The following CFAP70 variants were observed in gnomAD, a reference collection of about 807,000 sequenced individuals.
The protein encoded by CFAP70 is cilia- and flagella-associated protein 70.
In CFAP70, 81 loss-of-function variants were observed where a neutral mutation model predicts 137.6. The observed-to-expected ratio is 0.59, with a 90% CI of 0.49 to 0.71. The LOEUF (loss-of-function observed/expected upper bound fraction) is 0.71, where lower values mean the gene tolerates loss of function less well. Among genes scored for constraint, CFAP70 ranks in the 30% least tolerant of loss-of-function variants. CFAP70 has a pLI of 0.00. For missense variants in CFAP70, 976 were observed against 1,226.7 expected, an observed-to-expected ratio of 0.80 and a Z score of 3.05; for synonymous variants, 382 against 423.6, an observed-to-expected ratio of 0.90 and a Z score of 1.20.
At chr10:73,312,437 C>T (rs770813942) in intron 10 of CFAP70, 36 bp downstream of exon 11, 6 of 1,490,982 alleles carry the variant, frequency 4.0e-6, no homozygotes, top group Non-Finnish European at 4.5e-6. Context: ...GGAATGTAAT[C>T]TAAGAGGCAA....
intron 10 of CFAP70, 95 bp from the exon 12 acceptor site, chr10:73,312,009 T>A (rs931284209): frequency 6.7e-6 from 6 of 899,676 alleles, no homozygotes; most frequent in Admixed American, 4.2e-5. Flanking sequence ...AAATGCAAAC[T>A]AACTGCAGCC....
chr10:73,270,750 G>A (rs2046239325), intron 24 of CFAP70, among the ~76,000 whole-genome samples: 1 of 151,234 alleles, frequency 6.6e-6, no homozygotes, highest in Non-Finnish European at 1.5e-5. Context: ...TGGCCAGACT[G>A]GTCTCAAACT....
At chr10:73,297,902 G>A (rs1415626550) in intron 14 of CFAP70, among the ~76,000 whole-genome samples, 2 of 152,264 alleles carry the variant, frequency 1.3e-5, no homozygotes, top group East Asian at 3.9e-4. Context: ...ACGTTTCAAG[G>A]TCACCCAACT....
At chr10:73,315,414 G>T (rs867592298) in intron 9 of CFAP70, among the ~76,000 whole-genome samples, 2 of 152,018 alleles carry the variant, frequency 1.3e-5, no homozygotes, top group Non-Finnish European at 2.9e-5. Context: ...TTGTATTATT[G>T]TGAGCTTTTA....
At chr10:73,305,493 G>A (rs1256449272) in intron 12 of CFAP70, among the ~76,000 whole-genome samples, 1 of 152,182 alleles carries the variant, frequency 6.6e-6, no homozygotes, top group Non-Finnish European at 1.5e-5. Context: ...TACAGGTTCA[G>A]TATAAGCAGG....
At chr10:73,307,564 T>C (rs1421694473) in intron 12 of CFAP70, among the ~76,000 whole-genome samples, 1 of 152,194 alleles carries the variant, frequency 6.6e-6, no homozygotes, top group Non-Finnish European at 1.5e-5. Context: ...GAGATGGCTA[T>C]ATTACTGTCA....
chr10:73,265,320 CAA>C (rs796977521), intron 25 of CFAP70, among the ~76,000 whole-genome samples: 19 of 85,870 alleles, frequency 2.2e-4, no homozygotes, highest in Admixed American at 5.4e-4. Flanking sequence ...GACTCCATCT[CAA>C]AAAAAAAAAA....
At chr10:73,322,067 A>T (rs1332331015) in intron 9 of CFAP70, among the ~76,000 whole-genome samples, 3 of 152,238 alleles carry the variant, frequency 2.0e-5, no homozygotes, top group African/African-American at 7.2e-5. Flanking sequence ...TACAGGTGTG[A>T]GCCACCACAC....
intron 19 of CFAP70, among the ~76,000 whole-genome samples, chr10:73,290,730 G>A (rs2048114673): frequency 6.6e-6 from 1 of 151,898 alleles, no homozygotes; most frequent in Non-Finnish European, 1.5e-5. Flanking sequence ...CATAAGAGAG[G>A]GACTCTATGT....
chr10:73,336,582 T>C (rs1448267875), intron 6 of CFAP70, among the ~76,000 whole-genome samples: 3 of 115,078 alleles, frequency 2.6e-5, no homozygotes, highest in African/African-American at 1.1e-4. Context: ...CTATTTTCCT[T>C]TTTTTTTTTT....
chr10:73,258,321 T>G (rs1038928318), intron 25 of CFAP70, among the ~76,000 whole-genome samples: 6 of 152,256 alleles, frequency 3.9e-5, no homozygotes, highest in African/African-American at 1.4e-4. Flanking sequence ...TTCTTATGCC[T>G]GTCTTTACTG....
At chr10:73,258,808 G>C (rs777227501) in intron 25 of CFAP70, among the ~76,000 whole-genome samples, 1 of 152,168 alleles carries the variant, frequency 6.6e-6, no homozygotes, top group Non-Finnish European at 1.5e-5. Flanking sequence ...AAAAGCCCCG[G>C]TTTCCTGTAG....
In CFAP70 at chr10:73,317,044, G is replaced by A. The variant is rs184654417; in HGVS notation, c.913-4401C>T. On this transcript the variant is annotated intron_variant, in intron 9 of 26. Coordinates refer to ENST00000310715, the Ensembl canonical transcript of CFAP70. ...CTTTGTTGTTTTTGTTTCTTTTATT[G>A]AGAGAGAGTCTCACTCTGTCATCTA... Among the ~76,000 whole-genome samples, 12 of 152,120 alleles carry A rather than the reference G, an allele frequency of 7.9e-5. No individual in the cohort carries two copies. In the East Asian group the frequency reaches 2.3e-3, roughly 29 times the overall value.
At chr10:73,334,063 C>A (rs1006556559) in intron 7 of CFAP70, among the ~76,000 whole-genome samples, 11 of 152,100 alleles carry the variant, frequency 7.2e-5, no homozygotes, top group African/African-American at 2.7e-4. Context: ...AAATCTAAAG[C>A]TGTCCTAAAA....
At chr10:73,333,856 AATGTT>A (rs1274763719) in intron 7 of CFAP70, among the ~76,000 whole-genome samples, 2 of 150,982 alleles carry the variant, frequency 1.3e-5, no homozygotes, top group African/African-American at 5.0e-5. Context: ...TAAATTTGTT[AATGTT>A]TTTTATTCTT....
chr10:73,351,411 C>T (rs1044503089), intron 3 of CFAP70, among the ~76,000 whole-genome samples: 9 of 151,616 alleles, frequency 5.9e-5, no homozygotes, highest in Non-Finnish European at 1.3e-4. Context: ...AGCCACTGCA[C>T]CCAGTCATTG....
intron 9 of CFAP70, among the ~76,000 whole-genome samples, chr10:73,322,488 G>T (rs775140066): frequency 2.0e-5 from 3 of 151,152 alleles, no homozygotes; most frequent in Non-Finnish European, 4.4e-5. Context: ...GAGGCAGGAG[G>T]ATCCCTTGAG....
intron 23 of CFAP70, 23 bp from the exon 25 acceptor site, chr10:73,273,040 A>G: frequency 1.3e-6 from 2 of 1,526,820 alleles, no homozygotes; most frequent in African/African-American, 1.4e-5. Context: ...AGCACCACTA[A>G]GCTACTGTTC....
At position 73,273,104 on chromosome 10, in the gene CFAP70, C is replaced by T. The variant is rs1021081070; in HGVS notation, c.2836-87G>A. ...ATGATCATGGGATCTCTGATAATTG[C>T]TCTCCAGAACAATCTAAGTTAAGCA... On this transcript the variant is annotated intron_variant, in intron 23 of 26. Transcript: ENST00000310715. 5.0e-6 allele frequency: 5 copies of T among 997,716 alleles called. No homozygotes were observed. In the African/African-American group the frequency reaches 8.1e-5, roughly 16 times the overall value. The allele number at this position is 997,716 out of a possible 1,614,324, so 61.8% of individuals were successfully genotyped here.
Sources: allele counts gnomAD v4.1 joint callset (sites outside exome capture counted in the v4.1 genomes callset), GRCh38; gene constraint gnomAD v4.1.1; transcripts MANE v1.5; gene names NCBI Gene and HGNC (gene_info 2026-07-23, HGNC 2026-07-21).